MYO1B: variants seen among roughly 807,000 people sequenced by gnomAD.
MYO1B encodes the protein unconventional myosin-Ib.
MYO1B carries 72 observed loss-of-function variants against 159.7 expected under a neutral mutation model. The observed-to-expected ratio is 0.45, with a 90% confidence interval of 0.37 to 0.55. The LOEUF is 0.55. Among genes scored for constraint, MYO1B ranks in the 20% least tolerant of loss-of-function variants. The pLI is 0.00. For synonymous variants in MYO1B, 468 were observed against 473.8 expected, an observed-to-expected ratio of 0.99 and a Z score of 0.16; for missense variants, 1,062 against 1,364.8, an observed-to-expected ratio of 0.78 and a Z score of 3.50.
chr2:191,350,816 A>C (rs113633888), intron 7 of MYO1B, among the ~76,000 whole-genome samples: 3,983 of 133,318 alleles, frequency 0.03, 166 homozygotes, highest in African/African-American at 0.094. Context: ...TAAAAAAAAA[A>C]AACAAAAAAA....
At chr2:191,332,179 T>A (rs1691528771) in intron 4 of MYO1B, among the ~76,000 whole-genome samples, 1 of 152,142 alleles carries the variant, frequency 6.6e-6, no homozygotes, top group Non-Finnish European at 1.5e-5. Flanking sequence ...GCCAGGCTGG[T>A]CTTGAGCTCC....
At chr2:191,327,242 T>G (rs1453442139) in intron 3 of MYO1B, among the ~76,000 whole-genome samples, 1 of 152,244 alleles carries the variant, frequency 6.6e-6, no homozygotes, top group Non-Finnish European at 1.5e-5. Flanking sequence ...CCTTCATTTA[T>G]GACTTGGTAT....
intron 15 of MYO1B, 101 bp from the exon 16 acceptor site, chr2:191,385,783 T>C: frequency 8.0e-7 from 1 of 1,256,124 alleles, no homozygotes; most frequent in East Asian, 2.3e-5. Context: ...AACAGACTTT[T>C]CTTGTGACTA....
Position 191,408,198 on chromosome 2 carries a change from A to G in MYO1B, c.2631+9A>G. 1 of 1,598,482 alleles carries G rather than the reference A, an allele frequency of 6.3e-7. No individual in the cohort carries two copies. The highest frequency in any genetic ancestry group is 8.6e-7 in the Non-Finnish European group (1 of 1,166,038). On this transcript the variant is annotated intron_variant, in intron 25 of 30. Coordinates refer to ENST00000392318, the MANE Select transcript of MYO1B (RefSeq NM_001130158.3). ...TTACGCTTCAGAGAATTGTAAGTTG[A>G]CACTTTATATCTGTGGATAATCAGC...
At position 191,400,435 on chromosome 2, in the gene MYO1B, C is replaced by G. The variant is rs768492272; in HGVS notation, c.2349C>G (p.Val783=). The G allele has an allele frequency of 3.7e-6, 6 of 1,613,962 alleles. No homozygotes were observed. In the Admixed American group the frequency reaches 1.0e-4, roughly 27 times the overall value. ...ATCAAAAGCGCTGTAAGGAAGCAGT[C>G]ACGACCATTGCTGCATATTGGCATG... is the stretch of plus-strand genomic sequence containing the variant. ...LKHQKRCKEA[V]TTIAAYWHGT... Residue 783 remains valine (V), a synonymous_variant, in exon 22 of 31, where the codon GTC becomes GTG. Transcript: ENST00000392318.
chr2:191,313,768 C>T (rs1402591600), intron 3 of MYO1B, among the ~76,000 whole-genome samples: 2 of 152,164 alleles, frequency 1.3e-5, no homozygotes, highest in Non-Finnish European at 2.9e-5. Flanking sequence ...ATACACCAGC[C>T]TCAGCCTCCC....
At chr2:191,319,291 G>A (rs956774322) in intron 3 of MYO1B, among the ~76,000 whole-genome samples, 9 of 152,170 alleles carry the variant, frequency 5.9e-5, no homozygotes, top group African/African-American at 2.2e-4. Flanking sequence ...GGGAATGGGA[G>A]TGGAAACCAT....
intron 3 of MYO1B, among the ~76,000 whole-genome samples, chr2:191,309,870 G>C (rs552961651): frequency 2.2e-4 from 33 of 152,280 alleles, no homozygotes; most frequent in Non-Finnish European, 4.6e-4. Flanking sequence ...TTTTGCATTA[G>C]AATGTCATCT....
chr2:191,408,745 T>TA (rs1697082233), intron 25 of MYO1B, among the ~76,000 whole-genome samples: 1 of 152,264 alleles, frequency 6.6e-6, no homozygotes, highest in Non-Finnish European at 1.5e-5. Context: ...ATAGCCTGTG[T>TA]GACTAGTGGC....
chr2:191,409,325 A>T, intron 26 of MYO1B, 147 bp downstream of exon 26: 3 of 931,180 alleles, frequency 3.2e-6, no homozygotes, highest in East Asian at 5.3e-5. Context: ...CCCATGCACC[A>T]TATTGAGTTT....
chr2:191,309,143 G>A (rs981191422), intron 3 of MYO1B, among the ~76,000 whole-genome samples: 1 of 152,182 alleles, frequency 6.6e-6, no homozygotes, highest in African/African-American at 2.4e-5. Context: ...CTTTGGATAA[G>A]GGGCATCTCA....
At chr2:191,272,183 T>A (rs1559130866) in intron 1 of MYO1B, among the ~76,000 whole-genome samples, 2 of 152,214 alleles carry the variant, frequency 1.3e-5, no homozygotes, top group Admixed American at 6.5e-5. Context: ...TGCAATAATA[T>A]ATTTTGTTCT....
intron 21 of MYO1B, 149 bp from the exon 22 acceptor site, chr2:191,400,232 TG>T: frequency 1.3e-6 from 1 of 788,252 alleles, no homozygotes; most frequent in Middle Eastern, 3.4e-4. Context: ...ATAGTCAGTT[TG>T]GGGCTAGTCA....
intron 20 of MYO1B, among the ~76,000 whole-genome samples, chr2:191,395,184 G>C (rs770601271): frequency 6.6e-6 from 1 of 152,188 alleles, no homozygotes; most frequent in Admixed American, 6.5e-5. Context: ...ATGCGTGTCA[G>C]AATGATGGTC....
At chr2:191,406,063 T>C (rs1418082097) in intron 24 of MYO1B, among the ~76,000 whole-genome samples, 1 of 152,230 alleles carries the variant, frequency 6.6e-6, no homozygotes, top group Non-Finnish European at 1.5e-5. Context: ...TAGTTAGATC[T>C]TCTGGATAAC....
intron 1 of MYO1B, among the ~76,000 whole-genome samples, chr2:191,253,969 T>G (rs1379816489): frequency 1.3e-5 from 2 of 152,250 alleles, no homozygotes; most frequent in African/African-American, 4.8e-5. Context: ...TTGTTAGATT[T>G]GTGCCAAGGT....
At chr2:191,290,706 T>A (rs1192453403) in intron 2 of MYO1B, among the ~76,000 whole-genome samples, 3 of 152,218 alleles carry the variant, frequency 2.0e-5, no homozygotes, top group Non-Finnish European at 4.4e-5. Flanking sequence ...ACAGCTATAG[T>A]ACGGCCCTTT....
At chr2:191,393,504 T>C (rs1020129986) in intron 20 of MYO1B, among the ~76,000 whole-genome samples, 1 of 152,226 alleles carries the variant, frequency 6.6e-6, no homozygotes, top group Non-Finnish European at 1.5e-5. Flanking sequence ...CTTTCACTGA[T>C]CTAGCTGTAT....
chr2:191,385,293 A>G (rs983061290), intron 15 of MYO1B, among the ~76,000 whole-genome samples: 1 of 152,242 alleles, frequency 6.6e-6, no homozygotes, highest in Non-Finnish European at 1.5e-5. Flanking sequence ...TAAAATCTAA[A>G]TCTATATGAA....
Sources: gnomAD v4.1 joint callset for allele counts (sites outside exome capture counted in the v4.1 genomes callset) on GRCh38, gnomAD v4.1.1 for gene constraint, MANE v1.5 for transcripts, NCBI Gene and HGNC (gene_info 2026-07-23, HGNC 2026-07-21) for gene names.